The following KRAS variants were observed in gnomAD, a reference collection of about 807,000 sequenced individuals.
The protein encoded by KRAS is KRas proto-oncogene, GTPase.
KRAS carries 1 observed loss-of-function variant against 21.0 expected under a neutral mutation model. That is an observed-to-expected ratio of 0.05 (90% CI 0.02 to 0.23). The LOEUF is 0.23. Ranked by LOEUF, KRAS falls within the 10% of genes least tolerant of loss-of-function variation. The probability of loss-of-function intolerance (pLI) is 1.00; values close to 1 mark genes in which losing one functional copy is unlikely to be tolerated. For missense variants in KRAS, 107 were observed against 221.8 expected (o/e 0.48, Z 3.29); for synonymous variants, 67 against 72.5 (o/e 0.92, Z 0.39).
At chr12:25,233,056 C>G (rs1331176971) in intron 2 of KRAS, among the ~76,000 whole-genome samples, 1 of 152,108 alleles carries the variant, frequency 6.6e-6, no homozygotes, top group Non-Finnish European at 1.5e-5. Flanking sequence ...GCATTTAAAA[C>G]TGACCCATAA....
At chr12:25,231,243 T>TGGCAC (rs1272288178) in intron 2 of KRAS, among the ~76,000 whole-genome samples, 1 of 151,886 alleles carries the variant, frequency 6.6e-6, no homozygotes, top group Non-Finnish European at 1.5e-5. Flanking sequence ...CTGGGACTAC[T>TGGCAC]GGCACGTGCC....
chr12:25,245,567 G>A (rs764703338), intron 1 of KRAS, among the ~76,000 whole-genome samples, 172 bp from the exon 2 acceptor site: 5 of 152,146 alleles, frequency 3.3e-5, no homozygotes, highest in Non-Finnish European at 5.9e-5. Context: ...GACTGCAGAC[G>A]TGTATCGTAA....
intron 2 of KRAS, 35 bp downstream of exon 2, chr12:25,245,238 CT>C (rs1951662727): frequency 6.4e-7 from 1 of 1,569,356 alleles, no homozygotes. Context: ...AAGAATGGTC[CT>C]GCACCAGTAA....
At chr12:25,248,444 T>C (rs1056154903) in intron 1 of KRAS, among the ~76,000 whole-genome samples, 1 of 151,880 alleles carries the variant, frequency 6.6e-6, no homozygotes, top group African/African-American at 2.4e-5. Context: ...AGTGAGACTC[T>C]CTCTCTCAAA....
intron 4 of KRAS, among the ~76,000 whole-genome samples, chr12:25,222,911 T>C (rs2141500739): frequency 6.6e-6 from 1 of 152,248 alleles, no homozygotes; most frequent in East Asian, 1.9e-4. Flanking sequence ...AGCAACAAAG[T>C]GGGACTAACA....
chr12:25,215,091 T>TAA (rs775121370), intron 4 of KRAS: 1,881 of 87,558 alleles, frequency 0.021, 97 homozygotes, highest in African/African-American at 0.06. Context: ...TTCTCCCTAC[T>TAA]AAAAAAAAAA....
At chr12:25,234,602 T>C (rs1375664375) in intron 2 of KRAS, 1 of 187,974 alleles carries the variant, frequency 5.3e-6, no homozygotes, top group Non-Finnish European at 1.1e-5. Flanking sequence ...CCTTTGCCCA[T>C]GTGGAATTTT....
At chr12:25,222,645 G>GT (rs1406243166) in intron 4 of KRAS, among the ~76,000 whole-genome samples, 4 of 151,888 alleles carry the variant, frequency 2.6e-5, no homozygotes, top group Admixed American at 2.0e-4. Flanking sequence ...AATCAAATTT[G>GT]TTTATCTACT....
chr12:25,215,705 G>A, intron 4 of KRAS: 1 of 690,116 alleles, frequency 1.4e-6, no homozygotes, highest in Non-Finnish European at 2.5e-6. Flanking sequence ...ATAAAACTGA[G>A]GATGCAGTTT....
In KRAS at chr12:25,209,788, A is replaced by G; in HGVS notation, c.*7T>C. 1 of 1,605,544 alleles carries G rather than the reference A, an allele frequency of 6.2e-7. No individual in the cohort carries two copies. Among genetic ancestry groups the G allele is most frequent in the East Asian group, 2.2e-5 (1 of 44,682 alleles). On this transcript the variant is annotated 3_prime_UTR_variant, in exon 5 of 5. Coordinates refer to ENST00000311936, the MANE Select transcript of KRAS (RefSeq NM_004985.5). Reference sequence around the variant, plus strand: ...AGTATGCCTTAAGAAAAAAGTACAAATTGTATTTACATAATTACACACTTT... The same window carrying G: ...AGTATGCCTTAAGAAAAAAGTACAAGTTGTATTTACATAATTACACACTTT...
At chr12:25,238,010 T>C (rs554740726) in intron 2 of KRAS, among the ~76,000 whole-genome samples, 21 of 152,258 alleles carry the variant, frequency 1.4e-4, no homozygotes, top group African/African-American at 4.6e-4. Flanking sequence ...GGATTTCTGT[T>C]TTGATTAGGG....
intron 4 of KRAS, chr12:25,215,132 A>G (rs1032654261): frequency 8.8e-6 from 4 of 454,382 alleles, no homozygotes; most frequent in African/African-American, 8.3e-5. Flanking sequence ...GATTATCTCA[A>G]AACTTTTCCC....
At chr12:25,221,477 GC>G (rs1951325226) in intron 4 of KRAS, among the ~76,000 whole-genome samples, 2 of 152,066 alleles carry the variant, frequency 1.3e-5, no homozygotes, top group African/African-American at 4.8e-5. Flanking sequence ...CAGGTGGTGT[GC>G]CCACCTCGGC....
At chr12:25,213,431 T>C (rs1951219955) in intron 4 of KRAS, among the ~76,000 whole-genome samples, 1 of 152,238 alleles carries the variant, frequency 6.6e-6, no homozygotes, top group Admixed American at 6.5e-5. Context: ...TCAAACTGTA[T>C]TGTTAAATTT....
At position 25,221,390 on chromosome 12, in the gene KRAS, G is replaced by T. The variant is rs537743158; in HGVS notation, c.450+4224C>A. Among the ~76,000 whole-genome samples, 89 of 152,008 alleles carry T rather than the reference G, an allele frequency of 5.9e-4. No individual in the cohort carries two copies. The Middle Eastern group carries it at 0.02, about 35-fold the overall frequency. On this transcript the variant is annotated intron_variant, in intron 4 of 4. Coordinates refer to ENST00000311936, the MANE Select transcript of KRAS (RefSeq NM_004985.5). ...CAGGATAACAGGCACCCGCCACCAC[G>T]CCTGGCTAAGTTTTGTATTTTTAGT...
chr12:25,231,712 G>A (rs897064132), intron 2 of KRAS, among the ~76,000 whole-genome samples: 1 of 152,028 alleles, frequency 6.6e-6, no homozygotes, highest in African/African-American at 2.4e-5. Context: ...AAATAATACT[G>A]TTGATTAGAA....
chr12:25,248,237 G>T (rs930346232), intron 1 of KRAS, among the ~76,000 whole-genome samples: 7 of 152,028 alleles, frequency 4.6e-5, no homozygotes, highest in African/African-American at 1.7e-4. Context: ...TAGGCGGGCG[G>T]ATCACCTGAG....
rs188935925 is a variant in KRAS at position 25,247,580 on chromosome 12, A to G, written c.-11-2185T>C. On this transcript the variant is annotated intron_variant, in intron 1 of 4. Transcript: ENST00000311936. Reference sequence around the variant, plus strand: ...ATCTTCTAGCTCTCTGCCTACCCCAACCTCCCCCCAACCAGTTTGCATAGC... The same window carrying G: ...ATCTTCTAGCTCTCTGCCTACCCCAGCCTCCCCCCAACCAGTTTGCATAGC... Among the ~76,000 whole-genome samples, 5 of 152,160 alleles carry G rather than the reference A, an allele frequency of 3.3e-5. No homozygotes were observed. The East Asian group carries it at 9.7e-4, about 29-fold the overall frequency.
intron 1 of KRAS, among the ~76,000 whole-genome samples, chr12:25,249,788 A>C (rs1951741292): frequency 6.6e-6 from 1 of 152,094 alleles, no homozygotes; most frequent in South Asian, 2.1e-4. Flanking sequence ...GGTAATACAT[A>C]AGAAATAGGG....
Sources: allele counts gnomAD v4.1 joint callset (sites outside exome capture counted in the v4.1 genomes callset), GRCh38; gene constraint gnomAD v4.1.1; transcripts MANE v1.5; gene names NCBI Gene and HGNC (gene_info 2026-07-23, HGNC 2026-07-21).